ST3GAL3: variants seen among roughly 807,000 people sequenced by gnomAD.
ST3GAL3 encodes the protein ST3 beta-galactoside alpha-2,3-sialyltransferase 3.
A neutral mutation model predicts 50.1 loss-of-function variants in ST3GAL3; 21 were observed. That is an observed-to-expected ratio of 0.42 (90% CI 0.30 to 0.60). ST3GAL3 has a LOEUF of 0.60. Among genes scored for constraint, ST3GAL3 ranks in the 20% least tolerant of loss-of-function variants. The pLI is 0.19. For missense variants in ST3GAL3, 353 were observed against 489.4 expected, an observed-to-expected ratio of 0.72 and a Z score of 2.63; for synonymous variants, 183 against 190.0, an observed-to-expected ratio of 0.96 and a Z score of 0.30.
In ST3GAL3 at chr1:43,814,921, T is replaced by C. The variant is rs758216581; in HGVS notation, c.197T>C (p.Leu66Pro). ...EYDRLGFLLN[L>P]DSKLPAELAT... is the part of the protein sequence containing the mutation. Reference sequence around the variant, plus strand: ...GATCGGTTGGGCTTCCTCCTGAATCTGGACTCTAAACTGTGAGTAGAATGA... The same window carrying C: ...GATCGGTTGGGCTTCCTCCTGAATCCGGACTCTAAACTGTGAGTAGAATGA... The change falls in exon 4 of 12, where the codon CTG becomes CCG. Residue 66 changes from leucine to proline, a missense_variant. Leu to Pro is a moderately conservative substitution (Grantham distance 98, BLOSUM62 -3). Transcript: ENST00000347631. 6.2e-7 allele frequency: 1 copy of C among 1,614,196 alleles called. No homozygotes were observed. The highest frequency in any genetic ancestry group is 8.5e-7 in the Non-Finnish European group (1 of 1,180,020).
chr1:43,765,129 C>T (rs982153475), intron 2 of ST3GAL3, among the ~76,000 whole-genome samples: 4 of 152,200 alleles, frequency 2.6e-5, no homozygotes, highest in East Asian at 1.9e-4. Flanking sequence ...TTATTTCTCT[C>T]CTGTCACAAT....
intron 2 of ST3GAL3, among the ~76,000 whole-genome samples, chr1:43,787,605 T>C (rs1377445626): frequency 6.6e-6 from 1 of 152,242 alleles, no homozygotes; most frequent in East Asian, 1.9e-4. Flanking sequence ...AGTTTAAAAA[T>C]GTGTGATCGT....
At chr1:43,708,873 T>C (rs920043523) in intron 1 of ST3GAL3, among the ~76,000 whole-genome samples, 3 of 152,234 alleles carry the variant, frequency 2.0e-5, no homozygotes, top group Non-Finnish European at 2.9e-5. Flanking sequence ...TGAGTACATA[T>C]TTTATGCAAG....
intron 2 of ST3GAL3, among the ~76,000 whole-genome samples, chr1:43,765,424 C>T (rs982535375): frequency 1.3e-5 from 2 of 152,194 alleles, no homozygotes; most frequent in Non-Finnish European, 2.9e-5. Context: ...TCCCACCTAA[C>T]TGAGAGGAGG....
chr1:43,821,381 G>A (rs1014922935), intron 4 of ST3GAL3, among the ~76,000 whole-genome samples: 2 of 152,096 alleles, frequency 1.3e-5, no homozygotes, highest in Non-Finnish European at 2.9e-5. Flanking sequence ...TTTGCAGAGG[G>A]CTGTAAAAAT....
chr1:43,712,680 A>G (rs912233711), intron 1 of ST3GAL3, among the ~76,000 whole-genome samples: 3 of 152,244 alleles, frequency 2.0e-5, no homozygotes, highest in Admixed American at 1.3e-4. Context: ...GGAAGTTCAC[A>G]TCTGACCTAC....
intron 2 of ST3GAL3, among the ~76,000 whole-genome samples, chr1:43,756,100 C>A (rs868658036): frequency 5.9e-3 from 424 of 72,092 alleles, no homozygotes; most frequent in South Asian, 9.1e-3. Context: ...GAACCAGTCT[C>A]AAAAAAAAAA....
intron 1 of ST3GAL3, among the ~76,000 whole-genome samples, chr1:43,723,840 G>A (rs1362978373): frequency 6.6e-6 from 1 of 152,072 alleles, no homozygotes; most frequent in Non-Finnish European, 1.5e-5. Flanking sequence ...TCGAACTCCT[G>A]ACCTCAGGTG....
rs567484397 is a variant in ST3GAL3 at position 43,928,999 on chromosome 1, G to GGGA, written c.1039-1133_1039-1132insGGA. On this transcript the variant is annotated intron_variant, in intron 11 of 11. Coordinates refer to ENST00000347631, the MANE Select transcript of ST3GAL3 (RefSeq NM_006279.5). ...GAGAGGTCACTTGGGGACAAACTCTGATAAGGCTGCTGTCATTCAGCCCTT... is the reference window on the plus strand; with the variant it reads ...GAGAGGTCACTTGGGGACAAACTCTGGGAATAAGGCTGCTGTCATTCAGCCCTT... Among the ~76,000 whole-genome samples, 457 of 152,316 alleles carry GGGA rather than the reference G, an allele frequency of 3.0e-3. 2 individuals are homozygous for GGGA. The highest frequency in any genetic ancestry group is 0.011 in the African/African-American group (439 of 41,566).
intron 3 of ST3GAL3, among the ~76,000 whole-genome samples, chr1:43,805,014 TA>T (rs2059713270): frequency 6.6e-6 from 1 of 152,226 alleles, no homozygotes; most frequent in Admixed American, 6.5e-5. Context: ...CCAGATGTGA[TA>T]TTGGGTGCAG....
At chr1:43,731,378 A>ATTT (rs4019073) in intron 1 of ST3GAL3, among the ~76,000 whole-genome samples, 9 of 69,856 alleles carry the variant, frequency 1.3e-4, no homozygotes, top group Non-Finnish European at 1.7e-4. Flanking sequence ...CACCCAGCTA[A>ATTT]TTTTTTTTTT....
At chr1:43,714,522 T>C (rs1438814887) in intron 1 of ST3GAL3, among the ~76,000 whole-genome samples, 1 of 151,666 alleles carries the variant, frequency 6.6e-6, no homozygotes, top group Non-Finnish European at 1.5e-5. Context: ...GGAGAATTGC[T>C]TGAACCTGGG....
At chr1:43,881,235 T>C (rs1421546727) in intron 5 of ST3GAL3, among the ~76,000 whole-genome samples, 2 of 152,222 alleles carry the variant, frequency 1.3e-5, no homozygotes, top group African/African-American at 4.8e-5. Context: ...GGTCTTGAAC[T>C]CCCGACCTCA....
chr1:43,902,310 A>T (rs1043773480), intron 9 of ST3GAL3, among the ~76,000 whole-genome samples: 1 of 152,204 alleles, frequency 6.6e-6, no homozygotes, highest in Non-Finnish European at 1.5e-5. Context: ...AACAGGAATT[A>T]GGCCTCAGTC....
intron 11 of ST3GAL3, among the ~76,000 whole-genome samples, chr1:43,929,623 A>T (rs1047556141): frequency 6.6e-6 from 1 of 152,136 alleles, no homozygotes; most frequent in African/African-American, 2.4e-5. Context: ...TCTAAAAAAG[A>T]TTTGCCATCT....
chr1:43,857,586 C>CCTTCCTTCCTT (rs1558605800), intron 5 of ST3GAL3, among the ~76,000 whole-genome samples: 3,892 of 85,824 alleles, frequency 0.045, 201 homozygotes, highest in African/African-American at 0.087. Context: ...CTTCCTCCCT[C>CCTTCCTTCCTT]CCTTCCTTCC....
At chr1:43,759,262 G>GT (rs1689383529) in intron 2 of ST3GAL3, among the ~76,000 whole-genome samples, 1 of 151,436 alleles carries the variant, frequency 6.6e-6, no homozygotes, top group East Asian at 2.0e-4. Flanking sequence ...TGGCCAACAT[G>GT]GTGAAACTCC....
chr1:43,907,489 C>G lies in ST3GAL3; in HGVS notation c.744+7762C>G, dbSNP rs2080001385. Among the ~76,000 whole-genome samples the G allele has an allele frequency of 2.6e-5, 4 of 152,288 alleles. No individual in the cohort carries two copies. In the South Asian group the frequency reaches 8.3e-4, roughly 32 times the overall value. ...GTCCTTGATCATCTCAGATCTCTAC[C>G]CTCATCATCTTCAATTCCACTGTAC... On this transcript the variant is annotated intron_variant, in intron 9 of 11. Transcript: ENST00000347631.
chr1:43,916,926 A>G (rs887144708), intron 9 of ST3GAL3: 1 of 152,234 alleles, frequency 6.6e-6, no homozygotes, highest in African/African-American at 2.4e-5. Flanking sequence ...ATTCTTTTAC[A>G]TAAATGTATC....
Sources: allele counts gnomAD v4.1 joint callset (sites outside exome capture counted in the v4.1 genomes callset), GRCh38; gene constraint gnomAD v4.1.1; transcripts MANE v1.5; gene names NCBI Gene and HGNC (gene_info 2026-07-23, HGNC 2026-07-21).